MACROD2: variants seen among roughly 807,000 people sequenced by gnomAD.
MACROD2 encodes the protein mono-ADP ribosylhydrolase 2, also known as ADP-ribose glycohydrolase MACROD2.
A neutral mutation model predicts 70.4 loss-of-function variants in MACROD2; 36 were observed. The observed-to-expected ratio is 0.51, with a 90% CI of 0.39 to 0.68. The LOEUF (loss-of-function observed/expected upper bound fraction) is 0.68, where lower values mean the gene tolerates loss of function less well. Among genes scored for constraint, MACROD2 ranks in the 30% least tolerant of loss-of-function variants. The probability of loss-of-function intolerance (pLI) is 0.00; values close to 1 mark genes in which losing one functional copy is unlikely to be tolerated. For synonymous variants in MACROD2, 172 were observed against 178.8 expected, an observed-to-expected ratio of 0.96 and a Z score of 0.30; for missense variants, 496 against 538.4, an observed-to-expected ratio of 0.92 and a Z score of 0.78.
At chr20:14,241,449 G>A (rs2081928760) in intron 3 of MACROD2, among the ~76,000 whole-genome samples, 1 of 151,812 alleles carries the variant, frequency 6.6e-6, no homozygotes, top group South Asian at 2.1e-4. Flanking sequence ...GGAATTCAAT[G>A]GACCGTAAAC....
chr20:14,262,009 A>G (rs2082105462), intron 3 of MACROD2, among the ~76,000 whole-genome samples: 1 of 152,182 alleles, frequency 6.6e-6, no homozygotes, highest in Non-Finnish European at 1.5e-5. Context: ...TAAAAGCTGG[A>G]GAGGAGACAA....
chr20:15,502,815 G>A (rs2047381021), intron 8 of MACROD2, among the ~76,000 whole-genome samples: 1 of 152,168 alleles, frequency 6.6e-6, no homozygotes, highest in Non-Finnish European at 1.5e-5. Flanking sequence ...GCAAAGGTAT[G>A]TTTCTTGCTC....
chr20:14,340,024 C>T (rs1027663403), intron 3 of MACROD2, among the ~76,000 whole-genome samples: 7 of 152,184 alleles, frequency 4.6e-5, no homozygotes, highest in Admixed American at 4.6e-4. Flanking sequence ...TGTACAATCT[C>T]TGGAAACATG....
At chr20:14,136,723 A>G (rs765991472) in intron 3 of MACROD2, among the ~76,000 whole-genome samples, 18 of 152,212 alleles carry the variant, frequency 1.2e-4, no homozygotes, top group Non-Finnish European at 4.4e-5. Context: ...GCTGAGTTTC[A>G]CAGTGTTTGC....
At chr20:14,596,431 A>G (rs908806684) in intron 4 of MACROD2, among the ~76,000 whole-genome samples, 11 of 144,624 alleles carry the variant, frequency 7.6e-5, no homozygotes, top group African/African-American at 2.6e-4. Flanking sequence ...ATATATATAT[A>G]TATGCTTTTT....
intron 8 of MACROD2, among the ~76,000 whole-genome samples, chr20:15,647,094 G>A (rs896017953): frequency 1.3e-5 from 2 of 152,114 alleles, no homozygotes; most frequent in African/African-American, 2.4e-5. Context: ...AAATGAATGC[G>A]TACTCTTTGC....
At chr20:14,215,868 T>C (rs931017916) in intron 3 of MACROD2, among the ~76,000 whole-genome samples, 2 of 152,142 alleles carry the variant, frequency 1.3e-5, no homozygotes, top group African/African-American at 4.8e-5. Context: ...TTGTTTGTTT[T>C]TTTCTTACTG....
chr20:15,606,267 C>T (rs1212278564), intron 8 of MACROD2, among the ~76,000 whole-genome samples: 2 of 152,170 alleles, frequency 1.3e-5, no homozygotes, highest in Non-Finnish European at 2.9e-5. Flanking sequence ...CCACTCTCGA[C>T]TCGACTTCTC....
At chr20:15,359,219 T>G (rs1295783917) in intron 6 of MACROD2, among the ~76,000 whole-genome samples, 2 of 150,576 alleles carry the variant, frequency 1.3e-5, no homozygotes, top group African/African-American at 4.9e-5. Flanking sequence ...CCATAGTCGT[T>G]TCTTTATTAT....
chr20:15,891,501 A>C lies in MACROD2; in HGVS notation c.775+5690A>C, dbSNP rs942802737. Among the ~76,000 whole-genome samples, 4 of 152,196 alleles carry C rather than the reference A, an allele frequency of 2.6e-5. No homozygotes were observed. The East Asian group carries it at 7.7e-4, about 29-fold the overall frequency. On this transcript the variant is annotated intron_variant, in intron 10 of 17. Coordinates refer to ENST00000684519, the MANE Select transcript of MACROD2 (RefSeq NM_001351661.2). ...GTGTTGAGGATAGAGTGTAGAGAGT[A>C]AAGAGTAGAAGCAGGGAGATTAGAA...
At chr20:14,991,797 A>G (rs190285909) in intron 5 of MACROD2, among the ~76,000 whole-genome samples, 69 of 152,324 alleles carry the variant, frequency 4.5e-4, no homozygotes, top group African/African-American at 1.6e-3. Flanking sequence ...AGTTGGATTC[A>G]GTTATCTAAT....
chr20:16,029,693 A>T (rs1477589888), intron 15 of MACROD2, among the ~76,000 whole-genome samples: 1 of 152,172 alleles, frequency 6.6e-6, no homozygotes, highest in African/African-American at 2.4e-5. Context: ...CTAGGAGAGA[A>T]AAGGCCAAGG....
intron 8 of MACROD2, among the ~76,000 whole-genome samples, chr20:15,681,269 A>C (rs967501928): frequency 4.6e-5 from 7 of 152,220 alleles, no homozygotes; most frequent in Admixed American, 1.3e-4. Flanking sequence ...GGATAATTTT[A>C]TCTCTCTTAC....
At chr20:15,610,039 A>G (rs1184621430) in intron 8 of MACROD2, among the ~76,000 whole-genome samples, 7 of 151,960 alleles carry the variant, frequency 4.6e-5, no homozygotes, top group Admixed American at 4.6e-4. Flanking sequence ...TTTTGCTAGC[A>G]CTCCTGGAAA....
chr20:15,530,832 G>A (rs1350937927), intron 8 of MACROD2, among the ~76,000 whole-genome samples: 1 of 151,500 alleles, frequency 6.6e-6, no homozygotes, highest in African/African-American at 2.4e-5. Flanking sequence ...ATATACTCCT[G>A]ACAAGATTAG....
chr20:15,874,812 C>T (rs543073693), intron 9 of MACROD2, among the ~76,000 whole-genome samples: 34 of 152,228 alleles, frequency 2.2e-4, no homozygotes, highest in Non-Finnish European at 4.7e-4. Flanking sequence ...TGTTAGGTGG[C>T]ATTGCAAAGG....
chr20:14,763,962 C>T (rs958994108), intron 5 of MACROD2, among the ~76,000 whole-genome samples: 1 of 152,028 alleles, frequency 6.6e-6, no homozygotes, highest in South Asian at 2.1e-4. Context: ...ATATACTTTC[C>T]CCTTGGGCTA....
intron 3 of MACROD2, among the ~76,000 whole-genome samples, chr20:14,386,566 A>C (rs955386361): frequency 6.6e-6 from 1 of 152,310 alleles, no homozygotes; most frequent in Non-Finnish European, 1.5e-5. Flanking sequence ...ACATCTGATC[A>C]TTTAAAAGTA....
intron 3 of MACROD2, among the ~76,000 whole-genome samples, chr20:14,298,652 A>G (rs150959179): frequency 2.6e-5 from 4 of 151,886 alleles, no homozygotes; most frequent in African/African-American, 4.8e-5. Flanking sequence ...GAGCAAAGTC[A>G]ATTGAAAACT....
Sources: allele counts gnomAD v4.1 joint callset (sites outside exome capture counted in the v4.1 genomes callset), GRCh38; gene constraint gnomAD v4.1.1; transcripts MANE v1.5; gene names NCBI Gene and HGNC (gene_info 2026-07-23, HGNC 2026-07-21).